The following SPOCK3 variants were observed in gnomAD, a reference collection of about 807,000 sequenced individuals.
The protein encoded by SPOCK3 is testican-3.
In SPOCK3, 30 loss-of-function variants were observed where a neutral mutation model predicts 56.6. That is an observed-to-expected ratio of 0.53 (90% CI 0.40 to 0.72). The LOEUF (loss-of-function observed/expected upper bound fraction) is 0.72. SPOCK3 is among the 30% of genes least tolerant of loss of function. SPOCK3 has a pLI of 0.00. For missense variants in SPOCK3, 527 were observed against 530.0 expected, an observed-to-expected ratio of 0.99 and a Z score of 0.06; for synonymous variants, 196 against 183.3, an observed-to-expected ratio of 1.07 and a Z score of -0.56.
chr4:166,915,258 G>A (rs1167667816), intron 4 of SPOCK3, among the ~76,000 whole-genome samples: 1 of 152,100 alleles, frequency 6.6e-6, no homozygotes, highest in East Asian at 1.9e-4. Context: ...CACCATGGCA[G>A]GTGTATGTGT....
At chr4:166,918,957 T>G (rs1446528417) in intron 4 of SPOCK3, among the ~76,000 whole-genome samples, 1 of 152,126 alleles carries the variant, frequency 6.6e-6, no homozygotes, top group Non-Finnish European at 1.5e-5. Flanking sequence ...TCTCTGGCCA[T>G]GTGATCTCTG....
intron 6 of SPOCK3, among the ~76,000 whole-genome samples, chr4:166,801,214 G>A (rs1204859164): frequency 6.6e-6 from 1 of 152,020 alleles, no homozygotes. Flanking sequence ...ACTCAAACAT[G>A]GGGGTATCAG....
intron 2 of SPOCK3, among the ~76,000 whole-genome samples, chr4:167,067,255 T>C (rs948597645): frequency 7.2e-5 from 11 of 151,852 alleles, no homozygotes; most frequent in African/African-American, 2.4e-4. Flanking sequence ...TTAAAAAAAG[T>C]TTACAAAGCA....
At chr4:166,810,955 T>C (rs1014492947) in intron 6 of SPOCK3, among the ~76,000 whole-genome samples, 2 of 151,924 alleles carry the variant, frequency 1.3e-5, no homozygotes, top group African/African-American at 4.8e-5. Context: ...ATTTAAATTT[T>C]ACATTTCTTC....
intron 6 of SPOCK3, among the ~76,000 whole-genome samples, chr4:166,847,457 A>G (rs934470070): frequency 1.3e-5 from 2 of 151,662 alleles, no homozygotes; most frequent in Non-Finnish European, 2.9e-5. Context: ...TTCTGAGGGA[A>G]AAAGCATTGA....
At chr4:166,851,001 C>T in intron 6 of SPOCK3, among the ~76,000 whole-genome samples, 1 of 152,228 alleles carries the variant, frequency 6.6e-6, no homozygotes, top group Non-Finnish European at 1.5e-5. Flanking sequence ...CTGTAGGCTC[C>T]ACCTCTGGGG....
At chr4:166,751,086 C>T (rs918336577) in intron 8 of SPOCK3, among the ~76,000 whole-genome samples, 10 of 152,274 alleles carry the variant, frequency 6.6e-5, no homozygotes, top group Non-Finnish European at 8.8e-5. Context: ...AATCACTTTT[C>T]TTCTCCATAC....
chr4:166,925,076 C>T (rs1041949001), intron 4 of SPOCK3, among the ~76,000 whole-genome samples: 1 of 152,040 alleles, frequency 6.6e-6, no homozygotes, highest in African/African-American at 2.4e-5. Context: ...AATATCTATG[C>T]TTATATATTA....
At chr4:167,107,832 A>C (rs1474121412) in intron 2 of SPOCK3, among the ~76,000 whole-genome samples, 1 of 151,914 alleles carries the variant, frequency 6.6e-6, no homozygotes, top group Non-Finnish European at 1.5e-5. Context: ...TTAAAAAGTA[A>C]CCCCATTTAA....
Position 167,125,118 on chromosome 4 carries a change from A to G in SPOCK3, c.190-62581T>C, listed in dbSNP as rs534030413. 3.3e-5 allele frequency among the ~76,000 whole-genome samples: 5 copies of G among 151,954 alleles called. No homozygotes were observed. In the South Asian group the frequency reaches 8.3e-4, roughly 25 times the overall value. Reference sequence around the variant, plus strand: ...TCCATAGTACTAATTAAGAAATTATATATTTCCATGTATTTATCCTTCTTA... The same window carrying G: ...TCCATAGTACTAATTAAGAAATTATGTATTTCCATGTATTTATCCTTCTTA... On this transcript the variant is annotated intron_variant, in intron 2 of 10. Transcript: ENST00000357545.
intron 7 of SPOCK3, among the ~76,000 whole-genome samples, chr4:166,775,114 G>C (rs144510905): frequency 6.6e-6 from 1 of 152,178 alleles, no homozygotes; most frequent in East Asian, 1.9e-4. Context: ...GGGGAGTGAG[G>C]GAAGGGCATT....
rs144196835 is a variant in SPOCK3 at position 166,962,127 on chromosome 4, C to A, written c.350+38222G>T. On this transcript the variant is annotated intron_variant, in intron 4 of 10. Transcript: ENST00000357545. ...TTCCTCCCTTCCCACATTTAAGGACCCTTATGATTACTATGAGCCTACTCC... is the reference window on the plus strand; with the variant it reads ...TTCCTCCCTTCCCACATTTAAGGACACTTATGATTACTATGAGCCTACTCC... Among the ~76,000 whole-genome samples the A allele has an allele frequency of 2.0e-5, 3 of 152,046 alleles. No individual in the cohort carries two copies. In the South Asian group the frequency reaches 6.2e-4, roughly 32 times the overall value.
At chr4:167,088,115 T>C (rs568271474) in intron 2 of SPOCK3, among the ~76,000 whole-genome samples, 24 of 152,232 alleles carry the variant, frequency 1.6e-4, no homozygotes, top group African/African-American at 4.8e-4. Context: ...CAGGATGATA[T>C]ATAACAAGTA....
At chr4:167,103,915 A>G (rs1385263703) in intron 2 of SPOCK3, among the ~76,000 whole-genome samples, 1 of 152,150 alleles carries the variant, frequency 6.6e-6, no homozygotes, top group African/African-American at 2.4e-5. Context: ...ATTGGGAGAA[A>G]ATAAGGGAAG....
intron 6 of SPOCK3, among the ~76,000 whole-genome samples, chr4:166,802,919 C>A (rs1455114456): frequency 6.6e-6 from 1 of 151,974 alleles, no homozygotes; most frequent in Non-Finnish European, 1.5e-5. Context: ...TTAAAAAGTT[C>A]CGTTTAAAAA....
At chr4:167,054,983 T>C (rs953964070) in intron 3 of SPOCK3, among the ~76,000 whole-genome samples, 3 of 152,186 alleles carry the variant, frequency 2.0e-5, no homozygotes, top group Non-Finnish European at 4.4e-5. Context: ...ATTAACATTT[T>C]CATTGGTGAT....
chr4:167,216,156 T>C (rs1227577877), intron 2 of SPOCK3, among the ~76,000 whole-genome samples: 2 of 151,972 alleles, frequency 1.3e-5, no homozygotes, highest in Non-Finnish European at 2.9e-5. Flanking sequence ...GAGTCTCCAG[T>C]AGACTTAGGA....
intron 2 of SPOCK3, among the ~76,000 whole-genome samples, chr4:167,181,915 T>C (rs974687695): frequency 6.6e-6 from 1 of 152,150 alleles, no homozygotes; most frequent in African/African-American, 2.4e-5. Flanking sequence ...GAAATGTAAG[T>C]ACCATGAAGT....
At chr4:167,166,982 G>T (rs1561285282) in intron 2 of SPOCK3, among the ~76,000 whole-genome samples, 1 of 152,014 alleles carries the variant, frequency 6.6e-6, no homozygotes, top group Non-Finnish European at 1.5e-5. Flanking sequence ...TTAACTTTCT[G>T]TATATTTCTA....
Sources: gnomAD v4.1 joint callset for allele counts (sites outside exome capture counted in the v4.1 genomes callset) on GRCh38, gnomAD v4.1.1 for gene constraint, MANE v1.5 for transcripts, NCBI Gene and HGNC (gene_info 2026-07-23, HGNC 2026-07-21) for gene names.